Variants in MACROD2 observed in about 807,000 individuals in gnomAD.
The protein encoded by MACROD2 is mono-ADP ribosylhydrolase 2.
MACROD2 carries 36 observed loss-of-function variants against 70.4 expected under a neutral mutation model. The observed-to-expected ratio is 0.51, with a 90% CI of 0.39 to 0.68. The LOEUF (loss-of-function observed/expected upper bound fraction) is 0.68, where lower values mean the gene tolerates loss of function less well. MACROD2 is among the 30% of genes least tolerant of loss of function. The pLI, the probability that MACROD2 is intolerant of heterozygous loss-of-function variation, is 0.00. For synonymous variants in MACROD2, 172 were observed against 178.8 expected, an observed-to-expected ratio of 0.96 and a Z score of 0.30; for missense variants, 496 against 538.4, an observed-to-expected ratio of 0.92 and a Z score of 0.78.
intron 5 of MACROD2, among the ~76,000 whole-genome samples, chr20:15,084,221 C>A (rs2123143670): frequency 6.6e-6 from 1 of 151,970 alleles, no homozygotes; most frequent in Admixed American, 6.6e-5. Context: ...TGTGCATCAC[C>A]ATTCCCGGCT....
chr20:15,433,133 A>G (rs961057563), intron 7 of MACROD2, among the ~76,000 whole-genome samples: 2 of 152,120 alleles, frequency 1.3e-5, no homozygotes, highest in Non-Finnish European at 2.9e-5. Flanking sequence ...ATTCCCCATG[A>G]GAACTGGAAC....
chr20:15,528,724 G>GTT lies in MACROD2; in HGVS notation c.645+28889_645+28890dup, dbSNP rs11475693. Among the ~76,000 whole-genome samples the GTT allele has an allele frequency of 4.1e-3, 591 of 143,008 alleles. 5 individuals carry two copies. The highest frequency in any genetic ancestry group is 0.014 in the African/African-American group (564 of 39,732). 93.8% of individuals were successfully genotyped at this position (143,008 alleles called of 152,430 possible). A position where few individuals can be genotyped will look rare whatever the true frequency, so the allele number is the denominator to read the frequency against. On this transcript the variant is annotated intron_variant, in intron 8 of 17. Transcript: ENST00000684519. ...TCATTTGTTCCTTTGCAGTTATGTG[G>GTT]TTTTTTTTTTTTTCAGTTCCTTTAC...
intron 3 of MACROD2, among the ~76,000 whole-genome samples, chr20:14,401,210 A>G (rs2083634852): frequency 6.6e-6 from 1 of 152,164 alleles, no homozygotes; most frequent in African/African-American, 2.4e-5. Context: ...TTTCCATTCC[A>G]GTAGGTTGAT....
chr20:14,962,658 C>G (rs1372345585), intron 5 of MACROD2, among the ~76,000 whole-genome samples: 1 of 151,520 alleles, frequency 6.6e-6, no homozygotes, highest in Non-Finnish European at 1.5e-5. Context: ...TCTTCCTCCT[C>G]CTCTTCTTCC....
At chr20:14,885,486 C>A (rs1233231444) in intron 5 of MACROD2, among the ~76,000 whole-genome samples, 1 of 152,166 alleles carries the variant, frequency 6.6e-6, no homozygotes, top group East Asian at 1.9e-4. Flanking sequence ...CTGCCTCCAG[C>A]CTTACCCCTT....
intron 5 of MACROD2, among the ~76,000 whole-genome samples, chr20:14,694,172 T>C (rs2071094492): frequency 6.6e-6 from 1 of 152,204 alleles, no homozygotes; most frequent in South Asian, 2.1e-4. Context: ...GGATAGTTCA[T>C]ACATTTTTGA....
intron 3 of MACROD2, among the ~76,000 whole-genome samples, chr20:14,271,018 C>A (rs1407361746): frequency 1.3e-5 from 2 of 152,222 alleles, no homozygotes; most frequent in African/African-American, 4.8e-5. Context: ...CCCACCACAG[C>A]TCAAGGAGGC....
intron 3 of MACROD2, among the ~76,000 whole-genome samples, chr20:14,278,379 G>A (rs1358084755): frequency 6.6e-6 from 1 of 152,142 alleles, no homozygotes; most frequent in East Asian, 1.9e-4. Context: ...GTGGTGAGAG[G>A]CAGGTTATCC....
At chr20:14,158,209 G>T (rs2148715497) in intron 3 of MACROD2, among the ~76,000 whole-genome samples, 1 of 152,056 alleles carries the variant, frequency 6.6e-6, no homozygotes, top group East Asian at 1.9e-4. Flanking sequence ...TATACTTGTT[G>T]GTCATTTGTA....
At chr20:15,814,472 C>G (rs1249131957) in intron 8 of MACROD2, among the ~76,000 whole-genome samples, 2 of 152,144 alleles carry the variant, frequency 1.3e-5, no homozygotes. Flanking sequence ...CTCCAGTGAC[C>G]CATTGTAGTA....
chr20:14,397,045 A>G (rs1600198361), intron 3 of MACROD2, among the ~76,000 whole-genome samples: 1 of 114,324 alleles, frequency 8.7e-6, no homozygotes, highest in African/African-American at 3.4e-5. Flanking sequence ...CCCAGGTTGG[A>G]GTGCAGTGGC....
intron 2 of MACROD2, among the ~76,000 whole-genome samples, chr20:14,024,519 G>C (rs1177279037): frequency 5.3e-5 from 8 of 152,214 alleles, no homozygotes; most frequent in Middle Eastern, 3.4e-3. Flanking sequence ...ATTGGCTGTG[G>C]GTTTGTCATA....
chr20:15,410,089 A>AT (rs965850113), intron 6 of MACROD2, among the ~76,000 whole-genome samples: 1 of 151,992 alleles, frequency 6.6e-6, no homozygotes, highest in Non-Finnish European at 1.5e-5. Flanking sequence ...TCTCTATAAG[A>AT]TTTTTTGAGA....
At chr20:15,921,268 C>T (rs1041928511) in intron 10 of MACROD2, among the ~76,000 whole-genome samples, 1 of 152,208 alleles carries the variant, frequency 6.6e-6, no homozygotes, top group African/African-American at 2.4e-5. Flanking sequence ...CCCAAATGTA[C>T]ATGCTTCCTC....
chr20:14,489,090 T>TGTA lies in MACROD2; in HGVS notation c.272-4384_272-4382dup, dbSNP rs559798390. 1.2e-4 allele frequency among the ~76,000 whole-genome samples: 19 copies of TGTA among 152,358 alleles called. No homozygotes were observed. The South Asian group carries it at 3.9e-3, about 32-fold the overall frequency. ...AATAATCAGTCTTTTCTTCAAATTC[T>TGTA]GTAGTAGCATGAACTGTAAAGTATT... On this transcript the variant is annotated intron_variant, in intron 3 of 17. Transcript: ENST00000684519.
At chr20:14,623,843 G>A (rs1352809084) in intron 4 of MACROD2, among the ~76,000 whole-genome samples, 3 of 152,204 alleles carry the variant, frequency 2.0e-5, no homozygotes, top group African/African-American at 7.2e-5. Context: ...ATGACAGAGG[G>A]CTATCACAAA....
intron 3 of MACROD2, among the ~76,000 whole-genome samples, chr20:14,165,041 C>T (rs935631536): frequency 4.5e-4 from 69 of 152,018 alleles, no homozygotes; most frequent in Non-Finnish European, 1.5e-5. Context: ...CTGCAGGCAG[C>T]GAATGTAAAT....
chr20:14,174,866 C>T (rs1601312949), intron 3 of MACROD2, among the ~76,000 whole-genome samples: 5 of 152,302 alleles, frequency 3.3e-5, no homozygotes, highest in Admixed American at 3.3e-4. Context: ...TCTGCTGCTT[C>T]TTCTACCGTT....
At chr20:14,853,920 A>G (rs940294707) in intron 5 of MACROD2, among the ~76,000 whole-genome samples, 6 of 152,132 alleles carry the variant, frequency 3.9e-5, no homozygotes, top group Admixed American at 3.9e-4. Flanking sequence ...CTATAGTTAC[A>G]TGGACCCTAC....
Sources: gnomAD v4.1 joint callset for allele counts (sites outside exome capture counted in the v4.1 genomes callset) on GRCh38, gnomAD v4.1.1 for gene constraint, MANE v1.5 for transcripts, NCBI Gene and HGNC (gene_info 2026-07-23, HGNC 2026-07-21) for gene names.